CMSS1: variants seen among roughly 807,000 people sequenced by gnomAD.
CMSS1 encodes protein CMSS1.
In CMSS1, 33 loss-of-function variants were observed where a neutral mutation model predicts 43.5. The observed-to-expected ratio is 0.76, with a 90% confidence interval of 0.57 to 1.01. CMSS1 has a LOEUF of 1.01. Ranked by LOEUF, CMSS1 falls within the 50% of genes least tolerant of loss-of-function variation. The pLI, the probability that CMSS1 is intolerant of heterozygous loss-of-function variation, is 0.00. For missense variants in CMSS1, 313 were observed against 326.4 expected (o/e 0.96, Z 0.32); for synonymous variants, 115 against 117.2 (o/e 0.98, Z 0.12).
intron 1 of CMSS1, among the ~76,000 whole-genome samples, chr3:100,086,481 C>T (rs2107418910): frequency 6.6e-6 from 1 of 152,292 alleles, no homozygotes; most frequent in East Asian, 1.9e-4. Context: ...TACCTAACTC[C>T]TAGTTGATAC....
chr3:99,864,076 G>A (rs901277385), intron 1 of CMSS1, among the ~76,000 whole-genome samples: 8 of 152,208 alleles, frequency 5.3e-5, no homozygotes, highest in African/African-American at 1.7e-4. Context: ...GAATTAATAT[G>A]TAGGAGGTAT....
At chr3:100,124,539 C>T (rs968157050) in intron 1 of CMSS1, among the ~76,000 whole-genome samples, 1 of 152,194 alleles carries the variant, frequency 6.6e-6, no homozygotes, top group Non-Finnish European at 1.5e-5. Context: ...CCCTGACCTT[C>T]TCAGCAGCCT....
At chr3:100,052,524 C>CT (rs1465038847) in intron 1 of CMSS1, among the ~76,000 whole-genome samples, 1 of 152,148 alleles carries the variant, frequency 6.6e-6, no homozygotes, top group East Asian at 1.9e-4. Flanking sequence ...AACTGAACCT[C>CT]TAAGTGAAAC....
intron 1 of CMSS1, among the ~76,000 whole-genome samples, chr3:99,932,656 G>A (rs1176156949): frequency 2.6e-5 from 4 of 152,128 alleles, no homozygotes; most frequent in African/African-American, 4.8e-5. Flanking sequence ...TTGGGAGGCC[G>A]AGGCAGGCGG....
At chr3:100,069,048 C>T (rs546541176) in intron 1 of CMSS1, among the ~76,000 whole-genome samples, 1 of 152,254 alleles carries the variant, frequency 6.6e-6, no homozygotes, top group South Asian at 2.1e-4. Flanking sequence ...TTGGGCACTT[C>T]ATAATAGATC....
chr3:100,107,116 C>G (rs191021119), intron 1 of CMSS1, among the ~76,000 whole-genome samples: 2 of 152,168 alleles, frequency 1.3e-5, no homozygotes, highest in East Asian at 3.9e-4. Flanking sequence ...TCTTTATATT[C>G]TTCCATACAG....
chr3:100,049,816 T>C (rs1040142583), intron 1 of CMSS1, among the ~76,000 whole-genome samples: 2 of 152,368 alleles, frequency 1.3e-5, no homozygotes, highest in Non-Finnish European at 2.9e-5. Flanking sequence ...CTGTTTATAA[T>C]ATATATACAA....
At chr3:100,004,883 A>T (rs1006810014) in intron 1 of CMSS1, among the ~76,000 whole-genome samples, 6 of 152,172 alleles carry the variant, frequency 3.9e-5, no homozygotes, top group African/African-American at 1.4e-4. Context: ...CAGGAGAATT[A>T]TTGGTGTCTG....
At chr3:100,074,396 T>G (rs2065813200) in intron 1 of CMSS1, among the ~76,000 whole-genome samples, 1 of 152,220 alleles carries the variant, frequency 6.6e-6, no homozygotes, top group Non-Finnish European at 1.5e-5. Context: ...TATTAACTTG[T>G]TCTTTGAAAT....
At chr3:99,873,515 T>C (rs1559670538) in intron 1 of CMSS1, among the ~76,000 whole-genome samples, 1 of 152,230 alleles carries the variant, frequency 6.6e-6, no homozygotes, top group African/African-American at 2.4e-5. Flanking sequence ...ATGTTTTTTT[T>C]CTATTCACCT....
At chr3:100,014,185 A>C (rs1346579320) in intron 1 of CMSS1, among the ~76,000 whole-genome samples, 1 of 150,936 alleles carries the variant, frequency 6.6e-6, no homozygotes, top group Non-Finnish European at 1.5e-5. Flanking sequence ...GTAGTATTAC[A>C]TTGTATATGT....
chr3:100,052,217 G>A (rs2065385917), intron 1 of CMSS1, among the ~76,000 whole-genome samples: 1 of 152,182 alleles, frequency 6.6e-6, no homozygotes, highest in Admixed American at 6.5e-5. Context: ...ATTGACTATG[G>A]CATATGTGGG....
chr3:99,983,422 ATGTATG>A (rs1382316359), intron 1 of CMSS1, among the ~76,000 whole-genome samples: 91 of 86,882 alleles, frequency 1.0e-3, no homozygotes, highest in African/African-American at 4.3e-3. Flanking sequence ...ATATATATGT[ATGTATG>A]TATGTATATA....
intron 1 of CMSS1, among the ~76,000 whole-genome samples, chr3:99,869,543 C>T (rs1559668567): frequency 2.0e-5 from 3 of 152,200 alleles, no homozygotes; most frequent in Admixed American, 1.3e-4. Flanking sequence ...AATTAACAGA[C>T]TAACAAGTTA....
At chr3:100,117,664 C>G (rs1440284191) in intron 1 of CMSS1, among the ~76,000 whole-genome samples, 2 of 150,596 alleles carry the variant, frequency 1.3e-5, no homozygotes, top group African/African-American at 4.9e-5. Flanking sequence ...TAGAAAACAA[C>G]TAATGTAAAA....
intron 1 of CMSS1, among the ~76,000 whole-genome samples, chr3:99,872,283 G>C (rs1944833805): frequency 7.0e-6 from 1 of 143,172 alleles, no homozygotes; most frequent in African/African-American, 2.6e-5. Flanking sequence ...GTGTGTGTGT[G>C]TGTGTGTGTG....
intron 1 of CMSS1, among the ~76,000 whole-genome samples, chr3:100,075,084 G>A (rs2065828966): frequency 6.6e-6 from 1 of 151,710 alleles, no homozygotes; most frequent in Non-Finnish European, 1.5e-5. Context: ...ATATTTTATT[G>A]GTCTATGTTA....
chr3:99,904,486 T>C (rs1706547273), intron 1 of CMSS1, among the ~76,000 whole-genome samples: 1 of 152,246 alleles, frequency 6.6e-6, no homozygotes, highest in Admixed American at 6.5e-5. Context: ...TATGCTTCTT[T>C]AGAATAGGAT....
Position 100,167,817 on chromosome 3 carries a change from C to T in CMSS1, c.495C>T (p.Ala165=), listed in dbSNP as rs750626313. ...SVLMLIICSS[A]VRALELIRSM... Reference sequence around the variant, plus strand: ...TGATGCTGATCATCTGCAGCTCGGCCGTCCGAGCCCTGGAGCTCATTAGGT... The same window carrying T: ...TGATGCTGATCATCTGCAGCTCGGCTGTCCGAGCCCTGGAGCTCATTAGGT... The change falls in exon 6 of 10, where the codon GCC becomes GCT. Residue 165 remains alanine (A), a synonymous_variant. Transcript: ENST00000421999. 3.9e-5 allele frequency: 63 copies of T among 1,612,340 alleles called. No individual in the cohort carries two copies. The South Asian group carries it at 6.4e-4, about 16-fold the overall frequency.
Sources: allele counts gnomAD v4.1 joint callset (sites outside exome capture counted in the v4.1 genomes callset), GRCh38; gene constraint gnomAD v4.1.1; transcripts MANE v1.5; gene names NCBI Gene and HGNC (gene_info 2026-07-23, HGNC 2026-07-21).